SKIC3: variants seen among roughly 807,000 people sequenced by gnomAD.
SKIC3 encodes the protein superkiller complex protein 3.
At chr5:95,534,489 C>A in the SKIC3 span, among the ~76,000 whole-genome samples, 1 of 152,106 alleles carries the variant, frequency 6.6e-6, no homozygotes, top group Non-Finnish European at 1.5e-5. Flanking sequence ...TATTCTTTCC[C>A]CATCACTGTA....
At chr5:95,523,833 G>A in the SKIC3 span, 1 of 1,612,660 alleles carries the variant, frequency 6.2e-7, no homozygotes, top group Non-Finnish European at 8.5e-7. Context: ...CAGTCTTGCA[G>A]CCTTTGAAAT....
chr5:95,544,849 C>T, the SKIC3 span, among the ~76,000 whole-genome samples: 7 of 152,220 alleles, frequency 4.6e-5, no homozygotes, highest in South Asian at 8.3e-4. Context: ...AAAAAAGTAC[C>T]GAACTCTGCA....
At chr5:95,466,230 T>C in the SKIC3 span, among the ~76,000 whole-genome samples, 40 of 152,322 alleles carry the variant, frequency 2.6e-4, no homozygotes, top group Admixed American at 1.4e-3. Context: ...TATATTTAGA[T>C]GCCAGAGCCA....
At chr5:95,502,973 G>A in the SKIC3 span, 15 of 1,613,938 alleles carry the variant, frequency 9.3e-6, no homozygotes, top group Middle Eastern at 1.7e-4. Flanking sequence ...GTCTTGCTCC[G>A]ATTCAACAAT....
chr5:95,466,462 T>C, the SKIC3 span, among the ~76,000 whole-genome samples: 2 of 152,172 alleles, frequency 1.3e-5, no homozygotes. Flanking sequence ...CATAGGACAG[T>C]ACCCACCCTC....
chr5:95,477,843 TA>T, the SKIC3 span, among the ~76,000 whole-genome samples: 1 of 152,186 alleles, frequency 6.6e-6, no homozygotes, highest in African/African-American at 2.4e-5. Flanking sequence ...TACCAGCATG[TA>T]AAACTTTCAG....
At chr5:95,493,529 TAGACA>T in the SKIC3 span, among the ~76,000 whole-genome samples, 1 of 152,088 alleles carries the variant, frequency 6.6e-6, no homozygotes, top group African/African-American at 2.4e-5. Flanking sequence ...ATATATAACA[TAGACA>T]AATCAAAATG....
the SKIC3 span, chr5:95,513,289 C>T: frequency 1.0e-5 from 4 of 394,922 alleles, no homozygotes; most frequent in Non-Finnish European, 1.9e-5. Flanking sequence ...CTCACTGTAT[C>T]CTGAAACTCC....
the SKIC3 span, among the ~76,000 whole-genome samples, chr5:95,485,065 T>C: frequency 6.6e-6 from 1 of 152,208 alleles, no homozygotes; most frequent in Non-Finnish European, 1.5e-5. Context: ...AAGCCTCATA[T>C]AATTGTGACT....
the SKIC3 span, chr5:95,536,952 T>A: frequency 3.1e-6 from 5 of 1,601,686 alleles, no homozygotes; most frequent in Admixed American, 5.0e-5. Flanking sequence ...CAAAATACAC[T>A]ACATTCTAGT....
chr5:95,471,976 C>T, the SKIC3 span, among the ~76,000 whole-genome samples: 11 of 152,176 alleles, frequency 7.2e-5, no homozygotes, highest in Admixed American at 7.2e-4. Flanking sequence ...AGTATGATGC[C>T]CTGTGTAACT....
At chr5:95,498,506 C>T in the SKIC3 span, 7 of 1,614,162 alleles carry the variant, frequency 4.3e-6, no homozygotes, top group Non-Finnish European at 5.9e-6. Flanking sequence ...TTAAGTGCTG[C>T]TTTTGACAGT....
At chr5:95,484,817 G>A in the SKIC3 span, 16 of 1,614,062 alleles carry the variant, frequency 9.9e-6, no homozygotes, top group African/African-American at 2.0e-4. Flanking sequence ...GGGACTGGTT[G>A]TAATTTTCAA....
At chr5:95,517,743 T>G in the SKIC3 span, among the ~76,000 whole-genome samples, 1 of 152,262 alleles carries the variant, frequency 6.6e-6, no homozygotes, top group East Asian at 1.9e-4. Context: ...CTTTTAGATC[T>G]TCTCTCATGC....
At chr5:95,524,889 T>A in the SKIC3 span, among the ~76,000 whole-genome samples, 1 of 152,114 alleles carries the variant, frequency 6.6e-6, no homozygotes, top group African/African-American at 2.4e-5. Flanking sequence ...TTAGATTTTT[T>A]TTTTTATTTT....
the SKIC3 span, chr5:95,523,786 G>T: frequency 6.2e-7 from 1 of 1,613,450 alleles, no homozygotes; most frequent in South Asian, 1.1e-5. Context: ...CTATAATAAT[G>T]ACCTAAATAG....
At chr5:95,524,384 T>C in the SKIC3 span, 2 of 1,566,378 alleles carry the variant, frequency 1.3e-6, no homozygotes, top group African/African-American at 1.4e-5. Context: ...TAAAGAGTAA[T>C]TGTAACTAAT....
the SKIC3 span, chr5:95,522,169 T>A: frequency 6.2e-7 from 1 of 1,613,946 alleles, no homozygotes. Flanking sequence ...ACACACTGTA[T>A]ATGGATTCTG....
chr5:95,534,098 T>C, the SKIC3 span, among the ~76,000 whole-genome samples: 1 of 151,990 alleles, frequency 6.6e-6, no homozygotes, highest in Admixed American at 6.6e-5. Context: ...GGAAAAAGAA[T>C]TGGTACCAGG....
Sources: gnomAD v4.1 joint callset for allele counts (sites outside exome capture counted in the v4.1 genomes callset) on GRCh38, gnomAD v4.1.1 for gene constraint, MANE v1.5 for transcripts, NCBI Gene and HGNC (gene_info 2026-07-23, HGNC 2026-07-21) for gene names.